SNUPN: variants seen among roughly 807,000 people sequenced by gnomAD.
SNUPN encodes snurportin-1.
Under a neutral mutation model 39.2 loss-of-function variants are expected in SNUPN, and 31 were observed. The observed-to-expected ratio is 0.79, with a 90% CI of 0.59 to 1.07. The LOEUF is 1.07. SNUPN is among the 50% of genes least tolerant of loss of function. SNUPN has a pLI of 0.00. For synonymous variants in SNUPN, 132 were observed against 159.0 expected (o/e 0.83, Z 1.28); for missense variants, 382 against 434.2 (o/e 0.88, Z 1.07).
chr15:75,605,563 G>C (rs535483468), intron 6 of SNUPN, among the ~76,000 whole-genome samples: 62 of 152,132 alleles, frequency 4.1e-4, no homozygotes, highest in Admixed American at 1.9e-3. Flanking sequence ...GCCTCCCAAA[G>C]TGCTGGGATT....
chr15:75,624,954 T>G (rs1227196193), intron 1 of SNUPN: 12 of 229,392 alleles, frequency 5.2e-5, no homozygotes. Context: ...TTTTGTATTT[T>G]TAGTACAGAT....
chr15:75,598,333 T>G lies in SNUPN; in HGVS notation c.*25A>C. On this transcript the variant is annotated 3_prime_UTR_variant, in exon 9 of 9. Transcript: ENST00000308588. ...CCTTTTGGGGCCAGGTACCATCCTG[T>G]GGCTCCTTAAGGAGGCTTCTCTCTT... The G allele has an allele frequency of 6.3e-7, 1 of 1,585,490 alleles. No individual in the cohort carries two copies. The highest frequency in any genetic ancestry group is 8.6e-7 in the Non-Finnish European group (1 of 1,160,864).
rs1403522426 is a variant in SNUPN, at chr15:75,598,526, C to G, written c.915G>C (p.Gln305His). The change falls in exon 9 of 9, where the codon CAG becomes CAC. Residue 305 changes from glutamine to histidine, a missense_variant. Physicochemically the swap from Gln to His is conservative, Grantham distance 24 (BLOSUM62 0). Coordinates refer to ENST00000308588, the MANE Select transcript of SNUPN (RefSeq NM_005701.4). Reference protein sequence around the residue: ...LTTKPDYAGHQLQQIMEHKKS... With the variant: ...LTTKPDYAGHHLQQIMEHKKS... ...TCTTGTGCTCCATAATCTGCTGGAG[C>G]TGGTGCCCAGCATAGTCTGGCTTGG... 1 of 1,614,202 alleles carries G rather than the reference C, an allele frequency of 6.2e-7. No individual in the cohort carries two copies.
chr15:75,617,696 C>T, intron 2 of SNUPN, 144 bp from the exon 3 acceptor site: 1 of 854,614 alleles, frequency 1.2e-6, no homozygotes, highest in South Asian at 1.9e-5. Flanking sequence ...ATCTTCCCAC[C>T]TCAGCTTCCA....
chr15:75,616,740 G>C (rs1892948334), intron 3 of SNUPN, among the ~76,000 whole-genome samples: 1 of 152,058 alleles, frequency 6.6e-6, no homozygotes, highest in African/African-American at 2.4e-5. Context: ...TGGAACACAA[G>C]AACAGTCTCT....
At chr15:75,599,389 T>C (rs1463021414) in intron 8 of SNUPN, among the ~76,000 whole-genome samples, 1 of 152,194 alleles carries the variant, frequency 6.6e-6, no homozygotes, top group Non-Finnish European at 1.5e-5. Context: ...CCACGGACTT[T>C]CCACCACTTA....
At chr15:75,623,017 T>C (rs1000613388) in intron 1 of SNUPN, among the ~76,000 whole-genome samples, 1 of 152,130 alleles carries the variant, frequency 6.6e-6, no homozygotes, top group African/African-American at 2.4e-5. Flanking sequence ...TATCATGAAA[T>C]TCATCATCTT....
intron 3 of SNUPN, among the ~76,000 whole-genome samples, chr15:75,614,198 G>C (rs758318251): frequency 4.6e-5 from 7 of 152,126 alleles, no homozygotes; most frequent in Non-Finnish European, 5.9e-5. Context: ...GGCTGAGGCA[G>C]GAAGATCACT....
Sources: allele counts gnomAD v4.1 joint callset (sites outside exome capture counted in the v4.1 genomes callset), GRCh38; gene constraint gnomAD v4.1.1; transcripts MANE v1.5; gene names NCBI Gene and HGNC (gene_info 2026-07-23, HGNC 2026-07-21).